The following WNT7B variants were observed in gnomAD, a reference collection of about 807,000 sequenced individuals.
The protein encoded by WNT7B is Wnt family member 7B.
Under a neutral mutation model 38.2 loss-of-function variants are expected in WNT7B, and 19 were observed. The ratio of observed to expected loss-of-function variants is 0.50; its 90% CI spans 0.35 to 0.73. WNT7B has a LOEUF of 0.73. Among genes scored for constraint, WNT7B ranks in the 30% least tolerant of loss-of-function variants. The pLI is 0.01. For missense variants in WNT7B, 423 were observed against 507.9 expected, an observed-to-expected ratio of 0.83 and a Z score of 1.61; for synonymous variants, 243 against 209.3, an observed-to-expected ratio of 1.16 and a Z score of -1.39.
intron 2 of WNT7B, among the ~76,000 whole-genome samples, chr22:45,947,160 G>A (rs1229432643): frequency 1.3e-5 from 2 of 152,240 alleles, no homozygotes; most frequent in African/African-American, 2.4e-5. Context: ...GGAGGAGAGA[G>A]GAGTCAGATA....
chr22:45,929,966 A>ACCCACCCATGCATCCACTCATACATCTC, intron 3 of WNT7B, among the ~76,000 whole-genome samples: 1 of 150,598 alleles, frequency 6.6e-6, no homozygotes, highest in African/African-American at 2.5e-5. Context: ...TCATACATCT[A>ACCCACCCATGCATCCACTCATACATCTC]TCCATCCATC....
chr22:45,949,876 CT>C (rs1359874099), intron 2 of WNT7B, 43 bp downstream of exon 2: 1 of 1,576,366 alleles, frequency 6.3e-7, no homozygotes, highest in Non-Finnish European at 8.7e-7. Flanking sequence ...CCTACTGCCC[CT>C]GGCCACAATG....
intron 3 of WNT7B, chr22:45,927,115 G>A (rs1931109418): frequency 1.0e-6 from 1 of 985,354 alleles, no homozygotes. Context: ...CCTTCACTGG[G>A]TTGGTCTTGG....
intron 1 of WNT7B, among the ~76,000 whole-genome samples, chr22:45,959,658 A>AC (rs1932151148): frequency 6.6e-6 from 1 of 151,676 alleles, no homozygotes; most frequent in Admixed American, 6.6e-5. Flanking sequence ...GGTGCAAATG[A>AC]CCCCACAGCA....
intron 1 of WNT7B, among the ~76,000 whole-genome samples, chr22:45,968,641 T>A (rs1932363912): frequency 6.6e-6 from 1 of 152,218 alleles, no homozygotes; most frequent in Non-Finnish European, 1.5e-5. Context: ...CGGTCCAGGA[T>A]GCACATTCTC....
chr22:45,944,382 C>G (rs1319265823), intron 2 of WNT7B, among the ~76,000 whole-genome samples: 1 of 152,216 alleles, frequency 6.6e-6, no homozygotes, highest in African/African-American at 2.4e-5. Flanking sequence ...GCTCCGTCCT[C>G]CCAGGAGCCT....
At chr22:45,968,105 G>A (rs936695004) in intron 1 of WNT7B, among the ~76,000 whole-genome samples, 4 of 152,034 alleles carry the variant, frequency 2.6e-5, no homozygotes, top group Non-Finnish European at 4.4e-5. Context: ...GGAACCCCTG[G>A]TGAATGTGTT....
chr22:45,968,928 C>T (rs1244333987), intron 1 of WNT7B, among the ~76,000 whole-genome samples: 2 of 152,240 alleles, frequency 1.3e-5, no homozygotes, highest in African/African-American at 4.8e-5. Flanking sequence ...CATGGACCTG[C>T]TCAGGGCACA....
At position 45,965,449 on chromosome 22, in the gene WNT7B, G is replaced by C. The variant is rs552302822; in HGVS notation, c.71+11235C>G. On this transcript the variant is annotated intron_variant, in intron 1 of 3. Coordinates refer to ENST00000339464, the MANE Select transcript of WNT7B (RefSeq NM_058238.3). The surrounding 1 kb of genome is among the most constrained non-coding windows in gnomAD (Gnocchi z 6.5). ...CTGTGGGCATGAAGGGAAAGTTCAG[G>C]GTGGTGGTGGAGCCAGCAGGAAGGG... 3.0e-4 allele frequency among the ~76,000 whole-genome samples: 45 copies of C among 152,328 alleles called. No individual in the cohort carries two copies. In the South Asian group the frequency reaches 8.7e-3, roughly 29 times the overall value.
Position 45,922,576 on chromosome 22 carries a change from G to A in WNT7B, c.*280C>T. 5 of 473,356 alleles carry A rather than the reference G, an allele frequency of 1.1e-5. No individual in the cohort carries two copies. The highest frequency in any genetic ancestry group is 3.7e-5 in the Admixed American group (1 of 27,008). The allele number at this position is 473,356 out of a possible 1,614,324, so 29.3% of individuals were successfully genotyped here. ...CCAGAGAGAAGAAAGAGAACTTGCCGGGCCCCGTCGGGGAGCACCAAGACC... is the reference window on the plus strand; with the variant it reads ...CCAGAGAGAAGAAAGAGAACTTGCCAGGCCCCGTCGGGGAGCACCAAGACC... On this transcript the variant is annotated 3_prime_UTR_variant, in exon 4 of 4. Transcript: ENST00000339464.
intron 1 of WNT7B, among the ~76,000 whole-genome samples, chr22:45,957,455 G>A (rs537065221): frequency 7.6e-4 from 116 of 152,012 alleles, no homozygotes; most frequent in African/African-American, 2.5e-3. Context: ...AGGCCGAGGC[G>A]AGTGGGTCAC....
rs1930896436 is a variant in WNT7B at position 45,920,652 on chromosome 22, GGTGGGT to G, written c.*2198_*2203del. 7.0e-6 allele frequency: 1 copy of G among 143,700 alleles called. No individual in the cohort carries two copies. Among genetic ancestry groups the G allele is most frequent in the Non-Finnish European group, 1.5e-5 (1 of 65,642 alleles). The allele number at this position is 143,700 out of a possible 1,614,324, so 8.9% of individuals were successfully genotyped here. A position where few individuals can be genotyped will look rare whatever the true frequency, so the allele number is the denominator to read the frequency against. On this transcript the variant is annotated 3_prime_UTR_variant, in exon 4 of 4. Coordinates refer to ENST00000339464, the MANE Select transcript of WNT7B (RefSeq NM_058238.3). ...TCGGGAGATGGGGGATGGGATGGGG[GGTGGGT>G]ATGGGGAATAGGGATGAGGGATGGG...
chr22:45,936,208 C>T (rs1931511007), intron 2 of WNT7B: 1 of 979,070 alleles, frequency 1.0e-6, no homozygotes, highest in Admixed American at 6.2e-5. Context: ...TACCAGCCCT[C>T]TCTGAGCCTG....
chr22:45,934,987 G>A (rs949415418), intron 2 of WNT7B, among the ~76,000 whole-genome samples: 9 of 152,154 alleles, frequency 5.9e-5, no homozygotes, highest in African/African-American at 9.7e-5. Flanking sequence ...AACAGCCCAC[G>A]GGGGAGGGCC....
At chr22:45,971,469 G>A (rs1932436808) in intron 1 of WNT7B, among the ~76,000 whole-genome samples, 1 of 152,198 alleles carries the variant, frequency 6.6e-6, no homozygotes, top group Admixed American at 6.5e-5. Context: ...AGCCCCGTGG[G>A]CTCTGCCTTG....
chr22:45,923,035 C>T lies in WNT7B; in HGVS notation c.871G>A (p.Gly291Ser), dbSNP rs779363702. Reference sequence around the variant, plus strand: ...GGCGACGTGCGGTTGCAGAGACGGCCCTGCGTGCCCACGCTGCCCGTGGCC... The same window carrying T: ...GGCGACGTGCGGTTGCAGAGACGGCTCTGCGTGCCCACGCTGCCCGTGGCC... Reference protein sequence around the residue: ...DAATGSVGTQGRLCNRTSPGA... With the variant: ...DAATGSVGTQSRLCNRTSPGA... Residue 291 changes from glycine (G) to serine (S), a missense_variant, in exon 4 of 4, where the codon GGC (glycine) becomes AGC (serine). Gly to Ser is a moderately conservative substitution (Grantham distance 56). Coordinates refer to ENST00000339464, the MANE Select transcript of WNT7B (RefSeq NM_058238.3). 10 of 1,612,626 alleles carry T rather than the reference C, an allele frequency of 6.2e-6. No individual in the cohort carries two copies. The highest frequency in any genetic ancestry group is 2.2e-5 in the South Asian group (2 of 91,048).
chr22:45,952,790 C>T (rs1353748290), intron 1 of WNT7B, among the ~76,000 whole-genome samples: 3 of 152,214 alleles, frequency 2.0e-5, no homozygotes, highest in Non-Finnish European at 4.4e-5. Flanking sequence ...TGTCCACCAC[C>T]GGCCCTGCCA....
chr22:45,929,797 C>A (rs1199944135), intron 3 of WNT7B, among the ~76,000 whole-genome samples: 1 of 149,624 alleles, frequency 6.7e-6, no homozygotes, highest in Non-Finnish European at 1.5e-5. Context: ...CCGATCCACT[C>A]AACCATCTAC....
chr22:45,932,656 G>A (rs1363994931), intron 2 of WNT7B, among the ~76,000 whole-genome samples: 1 of 152,218 alleles, frequency 6.6e-6, no homozygotes, highest in East Asian at 1.9e-4. Context: ...GCCCCTGGCT[G>A]AGTCCATGTC....
Sources: gnomAD v4.1 joint callset for allele counts (sites outside exome capture counted in the v4.1 genomes callset) on GRCh38, gnomAD v4.1.1 for gene constraint, Gnocchi (gnomAD v3.1) non-coding constraint, MANE v1.5 for transcripts, NCBI Gene and HGNC (gene_info 2026-07-23, HGNC 2026-07-21) for gene names.